The following SLC25A48 variants were observed in gnomAD, a reference collection of about 807,000 sequenced individuals.
SLC25A48 encodes the protein solute carrier family 25 member 48.
Under a neutral mutation model 32.2 loss-of-function variants are expected in SLC25A48, and 29 were observed. The ratio of observed to expected loss-of-function variants is 0.90; its 90% confidence interval spans 0.67 to 1.23. The LOEUF (loss-of-function observed/expected upper bound fraction) is 1.23, where lower values mean the gene tolerates loss of function less well. Ranked by LOEUF, SLC25A48 falls within the 50% of genes most tolerant of loss-of-function variation. The pLI is 0.00. For synonymous variants in SLC25A48, 164 were observed against 172.3 expected (o/e 0.95, Z 0.38); for missense variants, 399 against 422.7 (o/e 0.94, Z 0.49).
At chr5:135,701,371 GTT>G (rs1258586618) in intron 3 of SLC25A48, among the ~76,000 whole-genome samples, 1 of 152,000 alleles carries the variant, frequency 6.6e-6, no homozygotes, top group Non-Finnish European at 1.5e-5. Flanking sequence ...CCTCTACCCT[GTT>G]CTCACCCTCC....
chr5:135,630,588 CTTTTTTT>C (rs869088370), intron 2 of SLC25A48, among the ~76,000 whole-genome samples: 3,199 of 58,416 alleles, frequency 0.055, 34 homozygotes, highest in South Asian at 0.094. Context: ...GGCTGGGCAC[CTTTTTTT>C]TTTTTTTTTT....
At chr5:135,735,522 A>G (rs1223672226) in intron 3 of SLC25A48, among the ~76,000 whole-genome samples, 1 of 152,190 alleles carries the variant, frequency 6.6e-6, no homozygotes, top group Non-Finnish European at 1.5e-5. Context: ...TAAGCTTGTC[A>G]TAATTAACAG....
intron 4 of SLC25A48, among the ~76,000 whole-genome samples, chr5:135,867,266 A>G (rs566662532): frequency 1.2e-4 from 19 of 152,256 alleles, no homozygotes; most frequent in African/African-American, 4.6e-4. Flanking sequence ...GTTTCCTGTG[A>G]GCTGTGTCCT....
chr5:135,742,852 C>G (rs1755529626), intron 3 of SLC25A48, among the ~76,000 whole-genome samples: 1 of 151,642 alleles, frequency 6.6e-6, no homozygotes, highest in Admixed American at 6.6e-5. Flanking sequence ...CTGTCTGAAG[C>G]TTTCAGTGAT....
intron 3 of SLC25A48, among the ~76,000 whole-genome samples, chr5:135,721,506 C>T (rs1449409520): frequency 6.6e-6 from 1 of 152,080 alleles, no homozygotes; most frequent in Non-Finnish European, 1.5e-5. Flanking sequence ...CCCGGCCTCC[C>T]ACTCACATTT....
chr5:135,855,859 C>T (rs1760271637), intron 4 of SLC25A48, among the ~76,000 whole-genome samples: 1 of 152,206 alleles, frequency 6.6e-6, no homozygotes, highest in African/African-American at 2.4e-5. Context: ...CTGCCCTTAC[C>T]CACCCTTGCC....
Position 135,852,602 on chromosome 5 carries a change from A to G in SLC25A48, c.202A>G (p.Ser68Gly), listed in dbSNP as rs770229840. 1 of 1,603,608 alleles carries G rather than the reference A, an allele frequency of 6.2e-7. No individual in the cohort carries two copies. The highest frequency in any genetic ancestry group is 1.1e-5 in the South Asian group (1 of 90,870). Residue 68 changes from serine (S) to glycine (G), a missense_variant, in exon 4 of 8, where the codon AGC (serine) becomes GGC (glycine). By Grantham distance (56) the Ser-to-Gly change is moderately conservative. Transcript: ENST00000681962. ...FFKGMSFPLASIAVYNSVVFG... is the reference protein window; with the variant it reads ...FFKGMSFPLAGIAVYNSVVFG... ...CAAGGGCATGTCCTTCCCCCTCGCC[A>G]GCATTGCCGTCTACAACTCCGTGGT...
chr5:135,767,959 G>C (rs560187225), intron 3 of SLC25A48, among the ~76,000 whole-genome samples: 89 of 147,194 alleles, frequency 6.0e-4, no homozygotes, highest in Middle Eastern at 3.5e-3. Context: ...TAATATCCGG[G>C]GGGGGGAGAG....
chr5:135,647,318 G>A (rs76208314), intron 3 of SLC25A48, among the ~76,000 whole-genome samples: 1,712 of 152,090 alleles, frequency 0.011, 39 homozygotes, highest in African/African-American at 0.039. Flanking sequence ...CCAGGGCACC[G>A]CATTATATTT....
At chr5:135,680,941 G>T (rs1030142169) in intron 3 of SLC25A48, among the ~76,000 whole-genome samples, 3 of 151,834 alleles carry the variant, frequency 2.0e-5, no homozygotes, top group African/African-American at 7.3e-5. Flanking sequence ...TTTCCCTATA[G>T]TTTTTCTCTC....
intron 3 of SLC25A48, among the ~76,000 whole-genome samples, chr5:135,743,017 T>C (rs1406089019): frequency 6.8e-4 from 1 of 1,478 alleles, no homozygotes; most frequent in Non-Finnish European, 1.4e-3. Flanking sequence ...TCCCCTTCCC[T>C]CCCCTCCCCT....
chr5:135,685,103 G>T (rs1218723028), intron 3 of SLC25A48, among the ~76,000 whole-genome samples: 1 of 152,026 alleles, frequency 6.6e-6, no homozygotes, highest in Non-Finnish European at 1.5e-5. Context: ...AATCTGAAAG[G>T]TTAAAAATGG....
At chr5:135,705,461 A>G (rs1754485039) in intron 3 of SLC25A48, among the ~76,000 whole-genome samples, 1 of 152,236 alleles carries the variant, frequency 6.6e-6, no homozygotes, top group African/African-American at 2.4e-5. Context: ...TAATATATGC[A>G]AGGTGATTAG....
At chr5:135,602,399 C>T (rs1751818999) in intron 1 of SLC25A48, among the ~76,000 whole-genome samples, 2 of 152,192 alleles carry the variant, frequency 1.3e-5, no homozygotes, top group African/African-American at 4.8e-5. Flanking sequence ...AGGCTGCCTC[C>T]CCTGCCCTAG....
chr5:135,667,867 T>C (rs2126939467), intron 3 of SLC25A48, among the ~76,000 whole-genome samples: 1 of 152,358 alleles, frequency 6.6e-6, no homozygotes, highest in Non-Finnish European at 1.5e-5. Flanking sequence ...AAAAAGATTG[T>C]TCACTCACTC....
At position 135,722,601 on chromosome 5, in the gene SLC25A48, C is replaced by T. The variant is rs1397454415; in HGVS notation, c.-521+87645C>T. On this transcript the variant is annotated intron_variant, in intron 3 of 10. Transcript: ENST00000646290. ...ATCTTAGGCAAGTTACTAGTCTCTT[C>T]GGAGACTGTTTCCTCACTGCTGAAA... 2.0e-5 allele frequency among the ~76,000 whole-genome samples: 3 copies of T among 152,196 alleles called. No homozygotes were observed. In the East Asian group the frequency reaches 5.8e-4, roughly 29 times the overall value.
rs906907230 is a variant in SLC25A48, at chr5:135,599,575, G to A, written c.-849+19978G>A. On this transcript the variant is annotated intron_variant, in intron 1 of 10. Transcript: ENST00000646290. ...AACTGGAAGCAGGAGTGGGCTGCTG[G>A]GGAAACCGAGGCTGGGAGTTGTGAG... 2.6e-5 allele frequency among the ~76,000 whole-genome samples: 4 copies of A among 152,306 alleles called. No individual in the cohort carries two copies. The East Asian group carries it at 5.8e-4, about 22-fold the overall frequency.
chr5:135,815,953 A>T (rs1757706626), intron 4 of SLC25A48, among the ~76,000 whole-genome samples: 1 of 152,220 alleles, frequency 6.6e-6, no homozygotes, highest in Admixed American at 6.5e-5. Context: ...ACTACCTGAG[A>T]CTGGGTAATT....
At chr5:135,866,642 G>A (rs1761227533) in intron 4 of SLC25A48, among the ~76,000 whole-genome samples, 1 of 152,170 alleles carries the variant, frequency 6.6e-6, no homozygotes, top group Non-Finnish European at 1.5e-5. Context: ...TACCTCTAAG[G>A]GACCTCCCAG....
Sources: allele counts gnomAD v4.1 joint callset (sites outside exome capture counted in the v4.1 genomes callset), GRCh38; gene constraint gnomAD v4.1.1; transcripts MANE v1.5; gene names NCBI Gene and HGNC (gene_info 2026-07-23, HGNC 2026-07-21).